The following DOCK1 variants were observed in gnomAD, a reference collection of about 807,000 sequenced individuals.
DOCK1 encodes dedicator of cytokinesis protein 1.
DOCK1 carries 138 observed loss-of-function variants against 262.7 expected under a neutral mutation model. The ratio of observed to expected loss-of-function variants is 0.53; its 90% CI spans 0.46 to 0.61. The LOEUF is 0.61. DOCK1 is among the 20% of genes least tolerant of loss of function. The pLI is 0.00. For synonymous variants in DOCK1, 866 were observed against 867.4 expected (o/e 1.00, Z 0.03); for missense variants, 1,908 against 2,370.7 (o/e 0.80, Z 4.05).
chr10:127,094,373 G>A (rs1032720717), intron 23 of DOCK1, among the ~76,000 whole-genome samples: 6 of 152,172 alleles, frequency 3.9e-5, no homozygotes, highest in Non-Finnish European at 8.8e-5. Context: ...AGTGGAAGGG[G>A]TATGCCTGCG....
intron 1 of DOCK1, among the ~76,000 whole-genome samples, chr10:126,925,724 CTG>C (rs71032531): frequency 0.21 from 30,239 of 140,834 alleles, 3,398 homozygotes; most frequent in Middle Eastern, 0.3. Flanking sequence ...ATTGCAGAGT[CTG>C]TGTGTGTGTG....
Position 127,419,747 on chromosome 10 carries a change from C to A in DOCK1, c.4774C>A (p.Gln1592Lys). Residue 1592 changes from glutamine to lysine, a missense_variant and splice_region_variant, in exon 46 of 52, where the codon CAG (glutamine) becomes AAG (lysine). Physicochemically the swap from Gln to Lys is moderately conservative, Grantham distance 53 (BLOSUM62 1). This residue lies in a region of DOCK1 where 383 missense variants were observed against 420.1 expected (regional missense o/e 0.91). Transcript: ENST00000623213. ...GAAGCTCAAGGACCTGATTGCTTGG[C>A]AGGTAAAGTGTCCAGCAAGAGTCCT... ...IEKLKDLIAWQIPFLAEGIRI... is the reference protein window; with the variant it reads ...IEKLKDLIAWKIPFLAEGIRI... 6.3e-7 allele frequency: 1 copy of A among 1,591,872 alleles called. No homozygotes were observed. The highest frequency in any genetic ancestry group is 8.6e-7 in the Non-Finnish European group (1 of 1,168,622).
At chr10:127,166,286 C>T (rs1026397695) in intron 27 of DOCK1, among the ~76,000 whole-genome samples, 1 of 152,194 alleles carries the variant, frequency 6.6e-6, no homozygotes, top group East Asian at 1.9e-4. Flanking sequence ...AGGATGGTCT[C>T]GATCTCCTGA....
intron 27 of DOCK1, among the ~76,000 whole-genome samples, chr10:127,229,649 G>A (rs2058768309): frequency 6.6e-6 from 1 of 152,156 alleles, no homozygotes; most frequent in African/African-American, 2.4e-5. Context: ...CGCTTAGGCT[G>A]TTTCCCTATT....
At chr10:127,206,856 T>G (rs766585359) in intron 27 of DOCK1, among the ~76,000 whole-genome samples, 15 of 152,214 alleles carry the variant, frequency 9.9e-5, no homozygotes, top group Non-Finnish European at 2.1e-4. Context: ...TTTGCTCCAT[T>G]GGAACTTAAC....
intron 23 of DOCK1, among the ~76,000 whole-genome samples, chr10:127,076,228 A>G (rs59813469): frequency 0.018 from 2,764 of 152,338 alleles, 87 homozygotes; most frequent in African/African-American, 0.062. Context: ...TCGGCCAGGC[A>G]CGGTGGCTCG....
intron 29 of DOCK1, among the ~76,000 whole-genome samples, chr10:127,322,460 A>G (rs2062577742): frequency 6.6e-6 from 1 of 152,080 alleles, no homozygotes; most frequent in African/African-American, 2.4e-5. Context: ...AAAGTGCTGG[A>G]TTACAGGAAT....
chr10:127,240,998 A>T (rs145342554), intron 27 of DOCK1, among the ~76,000 whole-genome samples: 52 of 152,328 alleles, frequency 3.4e-4, no homozygotes, highest in African/African-American at 1.2e-3. Context: ...GATGATCATG[A>T]ATATAATCTC....
Position 127,012,058 on chromosome 10 carries a change from C to G in DOCK1, c.1059-174C>G, listed in dbSNP as rs927676106. On this transcript the variant is annotated intron_variant, in intron 11 of 51. Transcript: ENST00000623213. The surrounding 1 kb of genome is among the most constrained non-coding windows in gnomAD (Gnocchi z 4.0). The stretch of plus-strand genomic sequence containing the variant: ...TCTCGTGGTTCAGCATTTTCCTGAT[C>G]AATGCTTTTCCCTGTTTCTCTTGTC... Among the ~76,000 whole-genome samples the G allele has an allele frequency of 2.0e-5, 3 of 152,118 alleles. No individual in the cohort carries two copies. The highest frequency in any genetic ancestry group is 7.2e-5 in the African/African-American group (3 of 41,440).
chr10:127,057,802 T>A (rs1338309942), intron 22 of DOCK1, among the ~76,000 whole-genome samples: 6 of 152,208 alleles, frequency 3.9e-5, no homozygotes, highest in Admixed American at 3.3e-4. Flanking sequence ...TGTAAATAAT[T>A]AGTTATTGAT....
In DOCK1 at chr10:127,287,363, G is replaced by GT. The variant is rs566224439; in HGVS notation, c.3044+29941dup. Among the ~76,000 whole-genome samples, 490 of 151,772 alleles carry GT rather than the reference G, an allele frequency of 3.2e-3. 1 individual carries two copies. The highest frequency in any genetic ancestry group is 0.01 in the African/African-American group (424 of 41,350). ...CACCACCATGCCCAGCTAATTTTTA[G>GT]TTTTTTTGTATAGCTGCAATCTCAC... On this transcript the variant is annotated intron_variant, in intron 29 of 51. Coordinates refer to ENST00000623213, the MANE Select transcript of DOCK1 (RefSeq NM_001290223.2).
chr10:127,334,123 G>T (rs2063098828), intron 29 of DOCK1, among the ~76,000 whole-genome samples: 1 of 151,976 alleles, frequency 6.6e-6, no homozygotes, highest in Admixed American at 6.6e-5. Context: ...ATTCATTGTG[G>T]AATGATTAAA....
chr10:127,060,853 C>T (rs190232106), intron 22 of DOCK1, among the ~76,000 whole-genome samples: 1 of 152,180 alleles, frequency 6.6e-6, no homozygotes, highest in Non-Finnish European at 1.5e-5. Context: ...CTTGTGATAT[C>T]ATTTTAAAGG....
chr10:127,266,496 CA>C (rs2060361664), intron 29 of DOCK1, among the ~76,000 whole-genome samples: 1 of 151,918 alleles, frequency 6.6e-6, no homozygotes, highest in South Asian at 2.1e-4. Context: ...CACACACACA[CA>C]CACACACACA....
At chr10:127,335,996 G>A (rs140471692) in intron 29 of DOCK1, among the ~76,000 whole-genome samples, 4 of 151,778 alleles carry the variant, frequency 2.6e-5, no homozygotes, top group African/African-American at 9.7e-5. Context: ...GATTACAGGT[G>A]TGAGCCACCA....
At chr10:127,007,735 T>C (rs778819961) in intron 10 of DOCK1, among the ~76,000 whole-genome samples, 1 of 152,166 alleles carries the variant, frequency 6.6e-6, no homozygotes, top group African/African-American at 2.4e-5. Context: ...GGGGTGTGTT[T>C]GTGAAGGCAG....
At chr10:126,987,881 C>T (rs908583186) in intron 5 of DOCK1, among the ~76,000 whole-genome samples, 1 of 152,082 alleles carries the variant, frequency 6.6e-6, no homozygotes, top group Non-Finnish European at 1.5e-5. Flanking sequence ...TCTTTCCTTG[C>T]ATTGGAAGGA....
At chr10:127,009,937 C>T (rs1200964710) in intron 11 of DOCK1, among the ~76,000 whole-genome samples, 3 of 152,096 alleles carry the variant, frequency 2.0e-5, no homozygotes, top group Admixed American at 1.3e-4. Context: ...TCTTTGCAGG[C>T]GGGCGATGTG....
Position 127,384,825 on chromosome 10 carries a change from G to A in DOCK1, c.3843G>A (p.Gln1281=), listed in dbSNP as rs776918626. ...SEDVCVAHLT[Q]RDGYQATTQG... ...ATGTGTGTGTGGCCCACCTCACCCA[G>A]CGGGACGGGTACCAGGCCACCACGC... The change falls in exon 38 of 52, where the codon CAG becomes CAA. Residue 1281 remains glutamine (Q), a synonymous_variant. Transcript: ENST00000623213. 1.2e-6 allele frequency: 2 copies of A among 1,608,058 alleles called. No individual in the cohort carries two copies. Among genetic ancestry groups the A allele is most frequent in the Non-Finnish European group, 1.7e-6 (2 of 1,178,138 alleles).
Sources: allele counts gnomAD v4.1 joint callset (sites outside exome capture counted in the v4.1 genomes callset), GRCh38; gene constraint gnomAD v4.1.1; regional missense constraint gnomAD v4.1.1; non-coding constraint Gnocchi (gnomAD v3.1); transcripts MANE v1.5; gene names NCBI Gene and HGNC (gene_info 2026-07-23, HGNC 2026-07-21).